The following SAMMSON variants were observed in gnomAD, a reference collection of about 807,000 sequenced individuals.
SAMMSON encodes survival associated mitochondrial melanoma specific oncogenic non-coding RNA, also known as long intergenic non-protein coding RNA 1212.
chr3:70,025,433 G>A (rs2067033520), intron 3 of SAMMSON, among the ~76,000 whole-genome samples: 2 of 152,038 alleles, frequency 1.3e-5, no homozygotes, highest in South Asian at 4.2e-4. Context: ...AGTAGAGAAG[G>A]GGTTTCACCA....
intron 4 of SAMMSON, among the ~76,000 whole-genome samples, chr3:70,223,748 G>A: frequency 6.6e-6 from 1 of 152,148 alleles, no homozygotes; most frequent in East Asian, 1.9e-4. Flanking sequence ...CAAGCTGGTT[G>A]CATGCAATCA....
chr3:70,139,772 T>A (rs577522783), intron 4 of SAMMSON, among the ~76,000 whole-genome samples: 7 of 152,280 alleles, frequency 4.6e-5, no homozygotes, highest in African/African-American at 1.7e-4. Context: ...CTCCAAAATG[T>A]CTTTGGGGTC....
chr3:70,418,999 C>CTCTCTCTTTCTTTCTT (rs1553664169), intron 2 of SAMMSON, among the ~76,000 whole-genome samples: 14 of 119,348 alleles, frequency 1.2e-4, no homozygotes, highest in African/African-American at 3.5e-4. Flanking sequence ...CTCTCTCTCT[C>CTCTCTCTTTCTTTCTT]TCTTTCTTTC....
At chr3:70,163,342 A>AATATAT (rs143014008) in intron 4 of SAMMSON, among the ~76,000 whole-genome samples, 4 of 145,098 alleles carry the variant, frequency 2.8e-5, no homozygotes, top group African/African-American at 7.5e-5. Context: ...ATCTATATAG[A>AATATAT]ATATATATAT....
At chr3:70,337,827 T>G (rs1702677436) in intron 7 of SAMMSON, among the ~76,000 whole-genome samples, 1 of 151,956 alleles carries the variant, frequency 6.6e-6, no homozygotes, top group Non-Finnish European at 1.5e-5. Flanking sequence ...TAATTACTTT[T>G]GGTTTTATAT....
chr3:70,330,778 C>A (rs1439735450), intron 7 of SAMMSON, among the ~76,000 whole-genome samples: 1 of 151,966 alleles, frequency 6.6e-6, no homozygotes, highest in African/African-American at 2.4e-5. Flanking sequence ...AATTGCCTCA[C>A]ATCTCAGTAA....
intron 4 of SAMMSON, among the ~76,000 whole-genome samples, chr3:70,230,594 T>C (rs1316529589): frequency 1.3e-5 from 2 of 152,200 alleles, no homozygotes; most frequent in Non-Finnish European, 1.5e-5. Context: ...TGTCTACTTA[T>C]TGTTTATTAT....
chr3:70,280,873 G>T (rs542427218), intron 6 of SAMMSON, among the ~76,000 whole-genome samples: 1 of 152,226 alleles, frequency 6.6e-6, no homozygotes, highest in East Asian at 1.9e-4. Context: ...TGCACAGAAA[G>T]TCCAAGAAGA....
chr3:70,193,605 G>A (rs1237124640), intron 4 of SAMMSON, among the ~76,000 whole-genome samples: 1 of 152,070 alleles, frequency 6.6e-6, no homozygotes, highest in East Asian at 1.9e-4. Flanking sequence ...CGATACATGT[G>A]GCAACTGTTT....
At chr3:70,179,403 A>G (rs1701033720) in intron 4 of SAMMSON, among the ~76,000 whole-genome samples, 1 of 152,228 alleles carries the variant, frequency 6.6e-6, no homozygotes. Context: ...GTGGGACTGC[A>G]GTACCTAAGA....
chr3:70,402,899 C>A (rs9832704), intron 2 of SAMMSON, among the ~76,000 whole-genome samples: 11,099 of 151,426 alleles, frequency 0.073, 579 homozygotes, highest in East Asian at 0.25. Flanking sequence ...ATATATATAT[C>A]TCTCTCTACC....
intron 7 of SAMMSON, among the ~76,000 whole-genome samples, chr3:70,335,379 T>C (rs942146786): frequency 2.4e-4 from 36 of 152,054 alleles, no homozygotes; most frequent in African/African-American, 4.8e-5. Context: ...ACAAAACATA[T>C]TTGCTTAGGT....
At chr3:70,304,621 A>G (rs1019637412) in intron 7 of SAMMSON, among the ~76,000 whole-genome samples, 1 of 152,182 alleles carries the variant, frequency 6.6e-6, no homozygotes, top group Non-Finnish European at 1.5e-5. Context: ...CTAACTTTGC[A>G]TAGACCTAAA....
chr3:70,409,111 A>G (rs1701198658), intron 2 of SAMMSON, among the ~76,000 whole-genome samples: 1 of 152,186 alleles, frequency 6.6e-6, no homozygotes, highest in Non-Finnish European at 1.5e-5. Flanking sequence ...CTCCCGTAAC[A>G]CATGGGAATT....
intron 4 of SAMMSON, among the ~76,000 whole-genome samples, chr3:70,094,383 C>T (rs1303442143): frequency 6.6e-6 from 1 of 152,186 alleles, no homozygotes; most frequent in Non-Finnish European, 1.5e-5. Flanking sequence ...ACGTGAGCCT[C>T]CCACTTCCCC....
intron 4 of SAMMSON, chr3:70,137,801 T>C (rs1026005712): frequency 1.3e-5 from 2 of 152,204 alleles, no homozygotes; most frequent in South Asian, 2.1e-4. Flanking sequence ...TACACACTTA[T>C]TTTTTACCAT....
At chr3:70,282,459 T>C (rs1575614671) in intron 6 of SAMMSON, among the ~76,000 whole-genome samples, 1 of 152,336 alleles carries the variant, frequency 6.6e-6, no homozygotes, top group East Asian at 1.9e-4. Context: ...TAAAGTCATA[T>C]CATGGCCTGC....
chr3:70,426,897 C>G (rs560119150), intron 2 of SAMMSON, among the ~76,000 whole-genome samples: 2 of 152,318 alleles, frequency 1.3e-5, no homozygotes, highest in African/African-American at 4.8e-5. Flanking sequence ...AAAAACTGAG[C>G]TCATTTCTGG....
At chr3:70,419,732 G>A (rs1197882024) in intron 2 of SAMMSON, among the ~76,000 whole-genome samples, 2 of 152,098 alleles carry the variant, frequency 1.3e-5, no homozygotes, top group Non-Finnish European at 2.9e-5. Flanking sequence ...TCCGCCTCCC[G>A]GGTTCACGCC....
Sources: gnomAD v4.1 joint callset for allele counts (sites outside exome capture counted in the v4.1 genomes callset) on GRCh38, gnomAD v4.1.1 for gene constraint, MANE v1.5 for transcripts, NCBI Gene and HGNC (gene_info 2026-07-23, HGNC 2026-07-21) for gene names.